Variants in CCDC82 observed in about 807,000 individuals in gnomAD.
The protein encoded by CCDC82 is coiled-coil domain containing 82.
A neutral mutation model predicts 60.6 loss-of-function variants in CCDC82; 47 were observed. The observed-to-expected ratio is 0.77, with a 90% confidence interval of 0.61 to 0.99. The LOEUF is 0.99. CCDC82 is among the 50% of genes least tolerant of loss of function. The pLI, the probability that CCDC82 is intolerant of heterozygous loss-of-function variation, is 0.00. For synonymous variants in CCDC82, 212 were observed against 207.4 expected (o/e 1.02, Z -0.19); for missense variants, 588 against 633.0 (o/e 0.93, Z 0.76).
intron 7 of CCDC82, among the ~76,000 whole-genome samples, chr11:96,368,095 C>T (rs1478578506): frequency 6.6e-6 from 1 of 152,134 alleles, no homozygotes; most frequent in African/African-American, 2.4e-5. Flanking sequence ...GCTGGGATTA[C>T]AGGCCTGAGC....
At chr11:96,363,088 TG>T (rs1422360826) in intron 8 of CCDC82, 2 of 152,146 alleles carry the variant, frequency 1.3e-5, no homozygotes, top group African/African-American at 4.8e-5. Flanking sequence ...CTCGAGTAGC[TG>T]GGACTACAGG....
intron 7 of CCDC82, among the ~76,000 whole-genome samples, chr11:96,365,430 T>C (rs971396989): frequency 6.6e-6 from 1 of 152,190 alleles, no homozygotes; most frequent in Non-Finnish European, 1.5e-5. Flanking sequence ...TTCTTTTCCA[T>C]TTCTCATCTC....
At chr11:96,365,347 T>C (rs1176588525) in intron 7 of CCDC82, among the ~76,000 whole-genome samples, 197 bp from the exon 8 acceptor site, 1 of 152,136 alleles carries the variant, frequency 6.6e-6, no homozygotes, top group Admixed American at 6.5e-5. Context: ...TTTATAATCT[T>C]GGCTATTGCA....
At chr11:96,370,296 T>C (rs1316688670) in intron 7 of CCDC82, among the ~76,000 whole-genome samples, 1 of 152,124 alleles carries the variant, frequency 6.6e-6, no homozygotes, top group Non-Finnish European at 1.5e-5. Context: ...GAATATAGAA[T>C]GTTAGAAGTA....
chr11:96,375,608 C>G (rs1865528749), intron 5 of CCDC82, among the ~76,000 whole-genome samples: 1 of 152,118 alleles, frequency 6.6e-6, no homozygotes, highest in Admixed American at 6.5e-5. Flanking sequence ...CTACCATTAT[C>G]CTAGATTCAT....
intron 2 of CCDC82, chr11:96,386,899 T>C (rs1866224660): frequency 6.6e-6 from 1 of 152,238 alleles, no homozygotes; most frequent in Non-Finnish European, 1.5e-5. Flanking sequence ...TTGTGTACAC[T>C]ATACTGCGTT....
chr11:96,365,931 G>A (rs1258443599), intron 7 of CCDC82, among the ~76,000 whole-genome samples: 1 of 152,216 alleles, frequency 6.6e-6, no homozygotes, highest in African/African-American at 2.4e-5. Context: ...TCTTCTACCA[G>A]ACGGATGGTA....
chr11:96,386,994 C>T (rs771375489), intron 2 of CCDC82: 3 of 152,200 alleles, frequency 2.0e-5, no homozygotes, highest in Admixed American at 2.0e-4. Context: ...AGGCATCTTA[C>T]ATTTTTAAGC....
chr11:96,368,848 G>A (rs1187570843), intron 7 of CCDC82, among the ~76,000 whole-genome samples: 7 of 136,936 alleles, frequency 5.1e-5, no homozygotes, highest in African/African-American at 1.7e-4. Context: ...CCTGGGCGAT[G>A]GAGAGAGACT....
At chr11:96,371,659 A>T (rs1407398538) in intron 6 of CCDC82, among the ~76,000 whole-genome samples, 1 of 152,216 alleles carries the variant, frequency 6.6e-6, no homozygotes, top group East Asian at 1.9e-4. Context: ...AAGCTTATCA[A>T]ATTATCTTTT....
chr11:96,359,359 T>C lies in CCDC82; in HGVS notation c.1381-181A>G, dbSNP rs918466294. On this transcript the variant is annotated intron_variant, in intron 8 of 9. Coordinates refer to ENST00000646818, the MANE Select transcript of CCDC82 (RefSeq NM_024725.4). ...CTGAGCACCTGTGAGGTTTCAAACA[T>C]TGGGCTAGGCACTAGAGATATATAA... 1.1e-4 allele frequency: 59 copies of C among 527,930 alleles called. 1 individual carries two copies. The highest frequency in any genetic ancestry group is 7.5e-4 in the South Asian group (26 of 34,524). The allele number at this position is 527,930 out of a possible 1,614,324, so 32.7% of individuals were successfully genotyped here. A position where few individuals can be genotyped will look rare whatever the true frequency, so the allele number is the denominator to read the frequency against.
At chr11:96,364,463 C>T (rs374389036) in intron 8 of CCDC82, 36 of 152,118 alleles carry the variant, frequency 2.4e-4, no homozygotes, top group African/African-American at 7.5e-4. Context: ...TGGGAGGATT[C>T]AGAGACAACT....
intron 7 of CCDC82, among the ~76,000 whole-genome samples, chr11:96,368,592 T>C (rs1865075537): frequency 6.6e-6 from 1 of 152,110 alleles, no homozygotes; most frequent in African/African-American, 2.4e-5. Context: ...GTAGGCTGGG[T>C]GCAGTGGCTC....
intron 1 of CCDC82, chr11:96,388,210 A>T (rs1211831811): frequency 1.3e-5 from 2 of 152,210 alleles, no homozygotes; most frequent in African/African-American, 4.8e-5. Context: ...AGGTGAGTGA[A>T]CCTCGGAAGA....
intron 8 of CCDC82, chr11:96,363,992 T>C (rs1864812066): frequency 6.6e-6 from 1 of 152,166 alleles, no homozygotes; most frequent in African/African-American, 2.4e-5. Flanking sequence ...CTATTTTATA[T>C]AGAATCTTTA....
rs539401516 is a variant in CCDC82 at position 96,356,534 on chromosome 11, T to C, written c.1566+2459A>G. 19 of 985,270 alleles carry C rather than the reference T, an allele frequency of 1.9e-5. No homozygotes were observed. In the South Asian group the frequency reaches 8.0e-4, roughly 41 times the overall value. The allele number at this position is 985,270 out of a possible 1,614,324, so 61.0% of individuals were successfully genotyped here. A position where few individuals can be genotyped will look rare whatever the true frequency, so the allele number is the denominator to read the frequency against. On this transcript the variant is annotated intron_variant, in intron 9 of 9. Coordinates refer to ENST00000646818, the MANE Select transcript of CCDC82 (RefSeq NM_024725.4). ...ATACTATCTTCAACTTCCCAGGAAG[T>C]CCCATCATCATATACACTTTCTTCT...
intron 6 of CCDC82, among the ~76,000 whole-genome samples, chr11:96,371,690 C>G (rs1865285444): frequency 6.6e-6 from 1 of 152,230 alleles, no homozygotes; most frequent in Admixed American, 6.5e-5. Flanking sequence ...ACAAAACTGA[C>G]ATGAATTAGC....
intron 8 of CCDC82, among the ~76,000 whole-genome samples, chr11:96,362,458 T>C (rs1034812751): frequency 2.0e-5 from 3 of 152,224 alleles, no homozygotes; most frequent in Non-Finnish European, 4.4e-5. Context: ...AGACATATTA[T>C]ACAATGCCAT....
intron 7 of CCDC82, among the ~76,000 whole-genome samples, chr11:96,368,865 CAA>C (rs71040144): frequency 2.1e-5 from 3 of 142,278 alleles, no homozygotes; most frequent in Admixed American, 7.0e-5. Flanking sequence ...GACTCCGTCT[CAA>C]AAAAAAAAAA....
Sources: gnomAD v4.1 joint callset for allele counts (sites outside exome capture counted in the v4.1 genomes callset) on GRCh38, gnomAD v4.1.1 for gene constraint, MANE v1.5 for transcripts, NCBI Gene and HGNC (gene_info 2026-07-23, HGNC 2026-07-21) for gene names.